The following NIBAN2 variants were observed in gnomAD, a reference collection of about 807,000 sequenced individuals.
NIBAN2 encodes the protein niban apoptosis regulator 2.
In NIBAN2, 36 loss-of-function variants were observed where a neutral mutation model predicts 81.8. That is an observed-to-expected ratio of 0.44 (90% confidence interval 0.34 to 0.58). NIBAN2 has a LOEUF of 0.58. NIBAN2 is among the 20% of genes least tolerant of loss of function. The pLI, the probability that NIBAN2 is intolerant of heterozygous loss-of-function variation, is 0.02. For missense variants in NIBAN2, 897 were observed against 1,014.1 expected (o/e 0.88, Z 1.57); for synonymous variants, 445 against 441.6 (o/e 1.01, Z -0.10).
intron 1 of NIBAN2, among the ~76,000 whole-genome samples, chr9:127,566,131 C>CA (rs542449304): frequency 3.6e-4 from 52 of 143,380 alleles, no homozygotes; most frequent in South Asian, 1.5e-3. Flanking sequence ...GACCTTGTCT[C>CA]AAAAAAAAAA....
intron 1 of NIBAN2, among the ~76,000 whole-genome samples, chr9:127,567,792 A>C (rs1310332569): frequency 2.0e-5 from 3 of 152,222 alleles, no homozygotes; most frequent in Non-Finnish European, 4.4e-5. Context: ...CTCTGTGCTA[A>C]GCAAGCCACA....
upstream of NIBAN2, among the ~76,000 whole-genome samples, chr9:127,571,942 G>A (rs1448299801): frequency 6.6e-6 from 1 of 152,104 alleles, no homozygotes; most frequent in Admixed American, 6.5e-5. Flanking sequence ...CTGAGGTGTT[G>A]GTAAGAGAAC....
rs1045761065 is a variant in NIBAN2 at position 127,507,172 on chromosome 9, G to T, written c.1914C>A (p.Ser638Arg). ...DEEVGLPFEA[S>R]PESPPPASPD... The stretch of plus-strand genomic sequence containing the variant: ...GGGACGCAGGTGGTGGTGACTCAGG[G>T]CTAGCCTCAAAGGGCAGCCCCACCT... Residue 638 changes from serine (S) to arginine (R), a missense_variant, in exon 14 of 14, where the codon AGC becomes AGA. Ser to Arg is a moderately radical substitution (Grantham distance 110). Transcript: ENST00000373312. The surrounding 1 kb of genome is among the most constrained non-coding windows in gnomAD (Gnocchi z 6.8). 5.0e-6 allele frequency: 8 copies of T among 1,612,240 alleles called. 1 individual carries two copies. Among genetic ancestry groups the T allele is most frequent in the South Asian group, 2.2e-5 (2 of 90,870 alleles).
In NIBAN2 at chr9:127,507,800, C is replaced by A. The variant is rs1040782400; in HGVS notation, c.1654+67G>T. On this transcript the variant is annotated intron_variant, in intron 13 of 13. Coordinates refer to ENST00000373312, the MANE Select transcript of NIBAN2 (RefSeq NM_022833.4). This position sits in a 1 kb window ranked among gnomAD's most constrained non-coding sequence, Gnocchi z 6.8. ...GAGCCTTAGCTGACCCCCTCAGCTG[C>A]CACCACTTCTCAGCTGCGCCCCCAG... 3 of 1,432,288 alleles carry A rather than the reference C, an allele frequency of 2.1e-6. No homozygotes were observed. The highest frequency in any genetic ancestry group is 2.8e-5 in the African/African-American group (2 of 71,372). 88.7% of individuals were successfully genotyped at this position (1,432,288 alleles called of 1,614,324 possible). A position where few individuals can be genotyped will look rare whatever the true frequency, so the allele number is the denominator to read the frequency against.
intron 1 of NIBAN2, among the ~76,000 whole-genome samples, chr9:127,548,951 C>A (rs1165951331): frequency 6.6e-6 from 1 of 152,162 alleles, no homozygotes; most frequent in Non-Finnish European, 1.5e-5. Context: ...GGATAAGGGA[C>A]CCTGGCGGGT....
chr9:127,564,744 A>G (rs895913566), intron 1 of NIBAN2, among the ~76,000 whole-genome samples: 7 of 151,296 alleles, frequency 4.6e-5, no homozygotes, highest in African/African-American at 1.7e-4. Context: ...ATGGTGGTGC[A>G]CGCCTGTAAT....
At chr9:127,522,021 C>T (rs1033884257) in intron 5 of NIBAN2, among the ~76,000 whole-genome samples, 14 of 152,250 alleles carry the variant, frequency 9.2e-5, no homozygotes, top group Middle Eastern at 3.2e-3. Context: ...CCCTGCCAGG[C>T]CAGGTCAGCC....
intron 1 of NIBAN2, among the ~76,000 whole-genome samples, chr9:127,568,086 T>C (rs1392926478): frequency 1.3e-5 from 2 of 152,124 alleles, no homozygotes; most frequent in Non-Finnish European, 2.9e-5. Flanking sequence ...GGGACAGCTG[T>C]CCCTGGGAGA....
At chr9:127,518,157 C>T (rs1166665385) in intron 5 of NIBAN2, among the ~76,000 whole-genome samples, 2 of 152,176 alleles carry the variant, frequency 1.3e-5, no homozygotes, top group Admixed American at 6.5e-5. Flanking sequence ...ACAAGGCAGC[C>T]CCCTTGCCTC....
chr9:127,518,079 C>G (rs1174477682), intron 5 of NIBAN2, 138 bp from the exon 6 acceptor site: 1 of 597,122 alleles, frequency 1.7e-6, no homozygotes, highest in East Asian at 3.0e-5. Flanking sequence ...CCTCACTTTC[C>G]TCGTCATCAG....
intron 5 of NIBAN2, among the ~76,000 whole-genome samples, chr9:127,520,751 GCACA>G (rs1588158508): frequency 1.3e-5 from 2 of 152,076 alleles, no homozygotes; most frequent in Non-Finnish European, 2.9e-5. Context: ...AGGTGTGGTG[GCACA>G]CGCCTGTAGT....
chr9:127,550,534 C>T (rs1313946306), intron 1 of NIBAN2, among the ~76,000 whole-genome samples: 1 of 152,268 alleles, frequency 6.6e-6, no homozygotes, highest in African/African-American at 2.4e-5. Context: ...TAGCACAGCA[C>T]TTTGCACAGA....
At position 127,559,355 on chromosome 9, in the gene NIBAN2, A is replaced by G. The variant is rs1444839790; in HGVS notation, c.55+9465T>C. On this transcript the variant is annotated intron_variant, in intron 1 of 13. Transcript: ENST00000373312. This position sits in a 1 kb window ranked among gnomAD's most constrained non-coding sequence, Gnocchi z 4.0. ...AAGGCCCACAGGTTCCTAAGGGGTC[A>G]CAGCTGGAAGTGCATGCCCGTTGCA... is the stretch of plus-strand genomic sequence containing the variant. Among the ~76,000 whole-genome samples the G allele has an allele frequency of 6.6e-6, 1 of 152,224 alleles. No homozygotes were observed. Among genetic ancestry groups the G allele is most frequent in the Non-Finnish European group, 1.5e-5 (1 of 68,040 alleles).
At chr9:127,571,621 G>A (rs1279035364), upstream of NIBAN2, among the ~76,000 whole-genome samples, 2 of 152,062 alleles carry the variant, frequency 1.3e-5, no homozygotes, top group East Asian at 1.9e-4. Context: ...GCTTGAACCC[G>A]GGAGGCAGAG....
chr9:127,532,199 T>C (rs555138932), intron 1 of NIBAN2, among the ~76,000 whole-genome samples: 2 of 152,246 alleles, frequency 1.3e-5, no homozygotes, highest in South Asian at 2.1e-4. Flanking sequence ...CATAGAACGA[T>C]TCGCAGGACA....
At chr9:127,540,207 G>A (rs981720992) in intron 1 of NIBAN2, among the ~76,000 whole-genome samples, 7 of 152,204 alleles carry the variant, frequency 4.6e-5, no homozygotes, top group Admixed American at 2.0e-4. Flanking sequence ...TAAGGGCCAC[G>A]CTACTTCCTG....
chr9:127,562,033 A>T (rs1837782749), intron 1 of NIBAN2, among the ~76,000 whole-genome samples: 3 of 152,106 alleles, frequency 2.0e-5, no homozygotes, highest in Admixed American at 2.0e-4. Context: ...GTGAGTCATG[A>T]GCTCTGCCCG....
intron 5 of NIBAN2, among the ~76,000 whole-genome samples, chr9:127,520,757 G>T (rs949679002): frequency 4.6e-5 from 7 of 152,096 alleles, no homozygotes; most frequent in Non-Finnish European, 8.8e-5. Flanking sequence ...GGTGGCACAC[G>T]CCTGTAGTCC....
At position 127,509,142 on chromosome 9, in the gene NIBAN2, C is replaced by T. The variant is rs763073347; in HGVS notation, c.1162-11G>A. On this transcript the variant is annotated splice_polypyrimidine_tract_variant and intron_variant, in intron 9 of 13. Coordinates refer to ENST00000373312, the MANE Select transcript of NIBAN2 (RefSeq NM_022833.4). ...CAGCTTCTCCATGTACTGCAGGGGC[C>T]GGGGCCGCGGGGGCTGAGCAGGGCC... 17 of 1,603,434 alleles carry T rather than the reference C, an allele frequency of 1.1e-5. No homozygotes were observed. The highest frequency in any genetic ancestry group is 6.7e-5 in the African/African-American group (5 of 74,838).
Sources: gnomAD v4.1 joint callset for allele counts (sites outside exome capture counted in the v4.1 genomes callset) on GRCh38, gnomAD v4.1.1 for gene constraint, Gnocchi (gnomAD v3.1) non-coding constraint, MANE v1.5 for transcripts, NCBI Gene and HGNC (gene_info 2026-07-23, HGNC 2026-07-21) for gene names.